ATXN10: variants seen among roughly 807,000 people sequenced by gnomAD.
The protein encoded by ATXN10 is ataxin-10.
A neutral mutation model predicts 52.9 loss-of-function variants in ATXN10; 28 were observed. That is an observed-to-expected ratio of 0.53 (90% CI 0.39 to 0.73). The LOEUF is 0.73. ATXN10 is among the 30% of genes least tolerant of loss of function. The pLI is 0.00. For synonymous variants in ATXN10, 226 were observed against 221.5 expected, an observed-to-expected ratio of 1.02 and a Z score of -0.18; for missense variants, 565 against 577.0, an observed-to-expected ratio of 0.98 and a Z score of 0.21.
rs1927696203 is a variant in ATXN10 at position 45,795,420 on chromosome 22, A to ATTCTATTCTATTCTT, written c.1174-11535_1174-11534insATTCTATTCTTTTCT. Among the ~76,000 whole-genome samples the ATTCTATTCTATTCTT allele has an allele frequency of 1.5e-5, 2 of 130,290 alleles. No individual in the cohort carries two copies. The highest frequency in any genetic ancestry group is 1.6e-5 in the Non-Finnish European group (1 of 60,806). The allele number at this position is 130,290 out of a possible 152,430, so 85.5% of individuals were successfully genotyped here. A position where few individuals can be genotyped will look rare whatever the true frequency, so the allele number is the denominator to read the frequency against. ...ATTCTATTCTATTCTATTCTATTCT[A>ATTCTATTCTATTCTT]TTCTTTTTGAGATGAAGTCTCTCTA... On this transcript the variant is annotated intron_variant, in intron 9 of 11. Transcript: ENST00000252934. The surrounding 1 kb of genome is among the most constrained non-coding windows in gnomAD (Gnocchi z 4.6).
In ATXN10 at chr22:45,833,641, G is replaced by A. The variant is rs141151175; in HGVS notation, c.1238-9350G>A. Among the ~76,000 whole-genome samples, 52 of 152,236 alleles carry A rather than the reference G, an allele frequency of 3.4e-4. No individual in the cohort carries two copies. Among genetic ancestry groups the A allele is most frequent in the East Asian group, 1.2e-3 (6 of 5,178 alleles). ...TATTAGCTAGTTCTAAAGGTATTTTGCAGAGATAGTTACTCTGACTGGTAT... is the reference window on the plus strand; with the variant it reads ...TATTAGCTAGTTCTAAAGGTATTTTACAGAGATAGTTACTCTGACTGGTAT... On this transcript the variant is annotated intron_variant, in intron 10 of 11. Coordinates refer to ENST00000252934, the MANE Select transcript of ATXN10 (RefSeq NM_013236.4). The surrounding 1 kb of genome is among the most constrained non-coding windows in gnomAD (Gnocchi z 4.3).
chr22:45,811,839 C>A (rs1387325269), intron 10 of ATXN10: 2 of 465,168 alleles, frequency 4.3e-6, no homozygotes, highest in Non-Finnish European at 4.5e-6. Flanking sequence ...TCTTTGAAAA[C>A]CAAAACTGGA....
chr22:45,812,922 G>GCC (rs1928330660), intron 10 of ATXN10, among the ~76,000 whole-genome samples: 1 of 152,156 alleles, frequency 6.6e-6, no homozygotes, highest in Non-Finnish European at 1.5e-5. Context: ...AGCAAAAACT[G>GCC]CCCCACAGTA....
At chr22:45,749,360 C>G (rs532035298) in intron 9 of ATXN10, among the ~76,000 whole-genome samples, 1 of 152,212 alleles carries the variant, frequency 6.6e-6, no homozygotes, top group East Asian at 1.9e-4. Context: ...CATACTTTTC[C>G]TGTTACCATC....
Position 45,820,696 on chromosome 22 carries a change from A to G in ATXN10, c.1237+13674A>G, listed in dbSNP as rs1048076609. Among the ~76,000 whole-genome samples the G allele has an allele frequency of 2.0e-5, 3 of 152,194 alleles. No individual in the cohort carries two copies. The highest frequency in any genetic ancestry group is 4.4e-5 in the Non-Finnish European group (3 of 68,040). On this transcript the variant is annotated intron_variant, in intron 10 of 11. Transcript: ENST00000252934. The surrounding 1 kb of genome is among the most constrained non-coding windows in gnomAD (Gnocchi z 4.9). ...TCTTAAAATCTTCATTGAGGTCAAG[A>G]GAAAAGATGTTGGACCCCGTGGCCG...
At chr22:45,807,219 G>GT (rs1928130076) in intron 10 of ATXN10, 197 bp downstream of exon 10, 1 of 670,552 alleles carries the variant, frequency 1.5e-6, no homozygotes, top group African/African-American at 1.8e-5. Flanking sequence ...TGGTAAGCTA[G>GT]TTTTTTCATG....
At position 45,821,441 on chromosome 22, in the gene ATXN10, T is replaced by C. The variant is rs527254581; in HGVS notation, c.1237+14419T>C. Reference sequence around the variant, plus strand: ...TCCTAATGGGTTTTCAAGAAGAAAATGATGATTGTGAAAGACCCCAACCTC... The same window carrying C: ...TCCTAATGGGTTTTCAAGAAGAAAACGATGATTGTGAAAGACCCCAACCTC... On this transcript the variant is annotated intron_variant, in intron 10 of 11. Transcript: ENST00000252934. 2.7e-5 allele frequency among the ~76,000 whole-genome samples: 4 copies of C among 149,682 alleles called. No homozygotes were observed. The South Asian group carries it at 8.5e-4, about 32-fold the overall frequency.
intron 10 of ATXN10, among the ~76,000 whole-genome samples, chr22:45,822,553 T>A (rs1241673937): frequency 7.2e-6 from 1 of 138,410 alleles, no homozygotes; most frequent in Non-Finnish European, 1.5e-5. Flanking sequence ...TTTTTTGAGA[T>A]GGAGTCTTGC....
Position 45,757,279 on chromosome 22 carries a change from A to T in ATXN10, c.1173+16741A>T, listed in dbSNP as rs1239709155. Reference sequence around the variant, plus strand: ...ATTCCAACCCTGGCGACTTTCAGCTACACCCTCCTCCCTCCCCTAGCCCCA... The same window carrying T: ...ATTCCAACCCTGGCGACTTTCAGCTTCACCCTCCTCCCTCCCCTAGCCCCA... On this transcript the variant is annotated intron_variant, in intron 9 of 11. Transcript: ENST00000252934. This position sits in a 1 kb window ranked among gnomAD's most constrained non-coding sequence, Gnocchi z 4.6. Among the ~76,000 whole-genome samples, 1 of 152,076 alleles carries T rather than the reference A, an allele frequency of 6.6e-6. No homozygotes were observed. Among genetic ancestry groups the T allele is most frequent in the Non-Finnish European group, 1.5e-5 (1 of 68,014 alleles).
intron 10 of ATXN10, among the ~76,000 whole-genome samples, chr22:45,832,061 C>A (rs958435342): frequency 4.6e-5 from 7 of 152,230 alleles, no homozygotes; most frequent in Non-Finnish European, 1.0e-4. Flanking sequence ...CAGAATTGAA[C>A]CCAAGTCTGT....
At chr22:45,703,889 A>C (rs371925133) in intron 5 of ATXN10, 1 of 152,322 alleles carries the variant, frequency 6.6e-6, no homozygotes, top group East Asian at 1.9e-4. Context: ...ACAGAAGAGC[A>C]AAAAGGATAC....
At chr22:45,713,039 G>A (rs1002434658) in intron 5 of ATXN10, among the ~76,000 whole-genome samples, 3 of 151,856 alleles carry the variant, frequency 2.0e-5, no homozygotes, top group Admixed American at 6.6e-5. Flanking sequence ...GTATAGCATC[G>A]CCATTGTATG....
intron 3 of ATXN10, among the ~76,000 whole-genome samples, chr22:45,694,650 C>T (rs1054334049): frequency 5.9e-5 from 9 of 151,924 alleles, no homozygotes; most frequent in Admixed American, 3.3e-4. Context: ...GGTGTGATGG[C>T]GCATGCTTGT....
intron 9 of ATXN10, among the ~76,000 whole-genome samples, chr22:45,741,861 G>C (rs1925549689): frequency 6.6e-6 from 1 of 152,204 alleles, no homozygotes; most frequent in African/African-American, 2.4e-5. Context: ...ATGCTTGGAA[G>C]AAGGGAATGA....
rs1929211765 is a variant in ATXN10, at chr22:45,837,637, T to C, written c.1238-5354T>C. Among the ~76,000 whole-genome samples the C allele has an allele frequency of 6.6e-6, 1 of 152,220 alleles. No individual in the cohort carries two copies. The highest frequency in any genetic ancestry group is 2.1e-4 in the South Asian group (1 of 4,832). On this transcript the variant is annotated intron_variant, in intron 10 of 11. Transcript: ENST00000252934. This position sits in a 1 kb window ranked among gnomAD's most constrained non-coding sequence, Gnocchi z 5.8. ...GCCGGAAGTTGGCACACCTTTTCTG[T>C]GAAGGGCCACATAGTAAATATTTTG...
intron 3 of ATXN10, among the ~76,000 whole-genome samples, chr22:45,699,541 G>A (rs1923756968): frequency 7.0e-6 from 1 of 143,410 alleles, no homozygotes; most frequent in South Asian, 2.2e-4. Context: ...TCCCCGGCTG[G>A]ATGCAGTGGC....
rs756396749 is a variant in ATXN10, at chr22:45,705,496, C to T, written c.647+2649C>T. 1.3e-5 allele frequency among the ~76,000 whole-genome samples: 2 copies of T among 151,640 alleles called. No homozygotes were observed. Among genetic ancestry groups the T allele is most frequent in the Non-Finnish European group, 2.9e-5 (2 of 67,926 alleles). On this transcript the variant is annotated intron_variant, in intron 5 of 11. Transcript: ENST00000252934. The surrounding 1 kb of genome is among the most constrained non-coding windows in gnomAD (Gnocchi z 5.2). Reference sequence around the variant, plus strand: ...TTGCCCAGGCTGGAGTGCAGTGGTGCGATCTCGGCTCACTGCAACCTCCGC... The same window carrying T: ...TTGCCCAGGCTGGAGTGCAGTGGTGTGATCTCGGCTCACTGCAACCTCCGC...
intron 1 of ATXN10, among the ~76,000 whole-genome samples, chr22:45,682,088 C>A (rs542305127): frequency 6.6e-6 from 1 of 152,252 alleles, no homozygotes; most frequent in East Asian, 1.9e-4. Context: ...TCAGTTTTAC[C>A]CTTTCTATTG....
In ATXN10 at chr22:45,757,767, C is replaced by G. The variant is rs1388905108; in HGVS notation, c.1173+17229C>G. 6.6e-6 allele frequency among the ~76,000 whole-genome samples: 1 copy of G among 152,042 alleles called. No individual in the cohort carries two copies. Among genetic ancestry groups the G allele is most frequent in the Non-Finnish European group, 1.5e-5 (1 of 68,008 alleles). On this transcript the variant is annotated intron_variant, in intron 9 of 11. Coordinates refer to ENST00000252934, the MANE Select transcript of ATXN10 (RefSeq NM_013236.4). This position sits in a 1 kb window ranked among gnomAD's most constrained non-coding sequence, Gnocchi z 4.6. The stretch of plus-strand genomic sequence containing the variant: ...AAATGTGATTAGAGTTATATTCATT[C>G]ATGTTTGATTCTCTTTTAAGAATTA...
Sources: gnomAD v4.1 joint callset for allele counts (sites outside exome capture counted in the v4.1 genomes callset) on GRCh38, gnomAD v4.1.1 for gene constraint, Gnocchi (gnomAD v3.1) non-coding constraint, MANE v1.5 for transcripts, NCBI Gene and HGNC (gene_info 2026-07-23, HGNC 2026-07-21) for gene names.